Variants in CCDC148 observed in about 807,000 individuals in gnomAD.
CCDC148 encodes the protein coiled-coil domain containing 148, also known as coiled-coil domain-containing protein 148.
In CCDC148, 89 loss-of-function variants were observed where a neutral mutation model predicts 85.7. The ratio of observed to expected loss-of-function variants is 1.04; its 90% CI spans 0.87 to 1.24. The LOEUF is 1.24. CCDC148 is among the 50% of genes most tolerant of loss of function. The probability of loss-of-function intolerance (pLI) is 0.00; values close to 1 mark genes in which losing one functional copy is unlikely to be tolerated. For missense variants in CCDC148, 692 were observed against 671.7 expected (o/e 1.03, Z -0.33); for synonymous variants, 230 against 213.9 (o/e 1.08, Z -0.66).
In CCDC148 at chr2:158,179,001, A is replaced by G. The variant is rs1466982802; in HGVS notation, c.1371-5T>C. On this transcript the variant is annotated splice_polypyrimidine_tract_variant and splice_region_variant and intron_variant, in intron 11 of 13. Transcript: ENST00000283233. The stretch of plus-strand genomic sequence containing the variant: ...AATTCTTGTCTATATTTAACCCTTT[A>G]AAAATAACACAGAAGGAAGTTGTGG... 2 of 1,598,734 alleles carry G rather than the reference A, an allele frequency of 1.3e-6. No homozygotes were observed. The highest frequency in any genetic ancestry group is 4.5e-5 in the East Asian group (2 of 44,708).
intron 1 of CCDC148, among the ~76,000 whole-genome samples, chr2:158,432,891 T>C (rs981661340): frequency 1.3e-5 from 2 of 151,260 alleles, no homozygotes; most frequent in Non-Finnish European, 2.9e-5. Flanking sequence ...CTGGCCAACA[T>C]GGTGAACATG....
At chr2:158,438,554 C>T (rs1262816188) in intron 1 of CCDC148, among the ~76,000 whole-genome samples, 1 of 152,172 alleles carries the variant, frequency 6.6e-6, no homozygotes, top group Non-Finnish European at 1.5e-5. Flanking sequence ...CCATTCAGGA[C>T]ATAGGCATGG....
rs550377901 is a variant in CCDC148 at position 158,369,742 on chromosome 2, TTG to T, written c.26-11174_26-11173del. On this transcript the variant is annotated intron_variant, in intron 1 of 13. Transcript: ENST00000283233. ...AGTGGTGGGAGAGGGCATCCTTGTC[TTG>T]TGCCAGTTTTCAAGGGGAATCCTTC... 2.3e-3 allele frequency among the ~76,000 whole-genome samples: 354 copies of T among 152,302 alleles called. 1 individual carries two copies. Among genetic ancestry groups the T allele is most frequent in the African/African-American group, 8.0e-3 (334 of 41,576 alleles).
chr2:158,247,474 G>A (rs1688613255), intron 10 of CCDC148, among the ~76,000 whole-genome samples: 1 of 152,124 alleles, frequency 6.6e-6, no homozygotes, highest in African/African-American at 2.4e-5. Flanking sequence ...CTGCAGCACA[G>A]CCTATACGAA....
chr2:158,448,653 A>G (rs73001378), intron 1 of CCDC148, among the ~76,000 whole-genome samples: 4,987 of 151,370 alleles, frequency 0.033, 126 homozygotes, highest in African/African-American at 0.063. Context: ...CTGTATTTCC[A>G]TTTTAAAATT....
intron 2 of CCDC148, among the ~76,000 whole-genome samples, chr2:158,350,604 C>A (rs901360068): frequency 4.6e-5 from 7 of 152,106 alleles, no homozygotes; most frequent in Non-Finnish European, 7.4e-5. Context: ...TGAAAAGTAT[C>A]TATGCTTGAA....
intron 9 of CCDC148, among the ~76,000 whole-genome samples, chr2:158,276,636 C>T (rs1039618836): frequency 1.3e-5 from 2 of 152,126 alleles, no homozygotes; most frequent in Admixed American, 1.3e-4. Flanking sequence ...TAAGACTGGG[C>T]ATGAAGTTAT....
At chr2:158,222,704 T>G (rs1386471709) in intron 10 of CCDC148, among the ~76,000 whole-genome samples, 1 of 152,214 alleles carries the variant, frequency 6.6e-6, no homozygotes, top group East Asian at 1.9e-4. Flanking sequence ...CAGGCCATTA[T>G]GATATGTACA....
rs564763280 is a variant in CCDC148 at position 158,411,057 on chromosome 2, G to T, written c.25+45358C>A. Among the ~76,000 whole-genome samples, 7 of 152,266 alleles carry T rather than the reference G, an allele frequency of 4.6e-5. No individual in the cohort carries two copies. In the East Asian group the frequency reaches 1.3e-3, roughly 29 times the overall value. ...TGAGCTGCAAGGTTTCTTCTAAGAAGTCTACTGGTATACTTATGGAGTTCT... is the reference window on the plus strand; with the variant it reads ...TGAGCTGCAAGGTTTCTTCTAAGAATTCTACTGGTATACTTATGGAGTTCT... On this transcript the variant is annotated intron_variant, in intron 1 of 13. Transcript: ENST00000283233.
chr2:158,444,746 C>T (rs1688085030), intron 1 of CCDC148, among the ~76,000 whole-genome samples: 1 of 129,210 alleles, frequency 7.7e-6, no homozygotes, highest in Admixed American at 9.3e-5. Flanking sequence ...GATTTAGCCA[C>T]TGCACTCCAG....
rs187211877 is a variant in CCDC148 at position 158,320,308 on chromosome 2, A to C, written c.765-6414T>G. Among the ~76,000 whole-genome samples the C allele has an allele frequency of 2.0e-3, 310 of 152,286 alleles. 1 individual carries two copies. Among genetic ancestry groups the C allele is most frequent in the Non-Finnish European group, 3.3e-3 (223 of 68,016 alleles). On this transcript the variant is annotated intron_variant, in intron 7 of 13. Coordinates refer to ENST00000283233, the MANE Select transcript of CCDC148 (RefSeq NM_138803.4). ...TGGTTCTTCTCAGTTTATTTTTTAG[A>C]TATTAGCAATGTTCAACTTTATGTT...
At chr2:158,198,194 C>A (rs1449387065) in intron 11 of CCDC148, among the ~76,000 whole-genome samples, 1 of 152,150 alleles carries the variant, frequency 6.6e-6, no homozygotes, top group Non-Finnish European at 1.5e-5. Context: ...ATCCCTGGCA[C>A]CCCCTACCTG....
chr2:158,331,218 AT>A lies in CCDC148; in HGVS notation c.764+7507del, dbSNP rs386651971. ...ATTCTGGTAGGTTGTCTTTGTTCTCATTGGTTTCAAAGAACACCTTTATGTC... is the reference window on the plus strand; with the variant it reads ...ATTCTGGTAGGTTGTCTTTGTTCTCATGGTTTCAAAGAACACCTTTATGTC... On this transcript the variant is annotated intron_variant, in intron 7 of 13. Transcript: ENST00000283233. Among the ~76,000 whole-genome samples, 836 of 152,210 alleles carry A rather than the reference AT, an allele frequency of 5.5e-3. 3 individuals are homozygous for A. Among genetic ancestry groups the A allele is most frequent in the African/African-American group, 0.015 (612 of 41,532 alleles).
intron 9 of CCDC148, among the ~76,000 whole-genome samples, chr2:158,279,781 C>T (rs568017069): frequency 5.1e-4 from 78 of 151,902 alleles, no homozygotes; most frequent in African/African-American, 1.8e-3. Flanking sequence ...GAGAACGCCA[C>T]AAAGATACTC....
chr2:158,357,300 G>T (rs1163414992), intron 2 of CCDC148, among the ~76,000 whole-genome samples: 2 of 150,252 alleles, frequency 1.3e-5, no homozygotes, highest in Non-Finnish European at 3.0e-5. Flanking sequence ...CAAAAAAAAA[G>T]GTAAGGGCTA....
rs113922963 is a variant in CCDC148, at chr2:158,289,229, A to T, written c.1110+20204T>A. On this transcript the variant is annotated intron_variant, in intron 9 of 13. Coordinates refer to ENST00000283233, the MANE Select transcript of CCDC148 (RefSeq NM_138803.4). Reference sequence around the variant, plus strand: ...AAAGACAAAGATTGATAAATCAATTACATAAAAATTGTAAATGTTTCTTAA... The same window carrying T: ...AAAGACAAAGATTGATAAATCAATTTCATAAAAATTGTAAATGTTTCTTAA... Among the ~76,000 whole-genome samples the T allele has an allele frequency of 4.4e-3, 669 of 152,370 alleles. 4 individuals are homozygous for T. The highest frequency in any genetic ancestry group is 0.015 in the African/African-American group (621 of 41,588).
At chr2:158,210,515 C>T (rs577977839) in intron 11 of CCDC148, among the ~76,000 whole-genome samples, 96 of 152,236 alleles carry the variant, frequency 6.3e-4, no homozygotes, top group Non-Finnish European at 1.1e-3. Flanking sequence ...ATGCATTCTA[C>T]TCAGCACCAC....
intron 8 of CCDC148, among the ~76,000 whole-genome samples, chr2:158,312,886 T>A (rs1692103638): frequency 6.6e-6 from 1 of 152,168 alleles, no homozygotes; most frequent in South Asian, 2.1e-4. Flanking sequence ...TTTTTTCATC[T>A]AAGGATGGGA....
chr2:158,450,395 C>T (rs1688357944), intron 1 of CCDC148, among the ~76,000 whole-genome samples: 1 of 152,182 alleles, frequency 6.6e-6, no homozygotes, highest in Non-Finnish European at 1.5e-5. Context: ...TAAAGAGCTG[C>T]TTTCCAGCTG....
Sources: allele counts gnomAD v4.1 joint callset (sites outside exome capture counted in the v4.1 genomes callset), GRCh38; gene constraint gnomAD v4.1.1; transcripts MANE v1.5; gene names NCBI Gene and HGNC (gene_info 2026-07-23, HGNC 2026-07-21).